Variants in PIP4P1 observed in about 807,000 individuals in gnomAD.
PIP4P1 encodes the protein type 1 phosphatidylinositol 4,5-bisphosphate 4-phosphatase.
In PIP4P1, 14 loss-of-function variants were observed where a neutral mutation model predicts 32.3. The ratio of observed to expected loss-of-function variants is 0.43; its 90% confidence interval spans 0.29 to 0.68. PIP4P1 has a LOEUF of 0.68. PIP4P1 is among the 30% of genes least tolerant of loss of function. The pLI is 0.15. For synonymous variants in PIP4P1, 132 were observed against 137.9 expected (o/e 0.96, Z 0.30); for missense variants, 289 against 364.5 (o/e 0.79, Z 1.69).
rs1292876444 is a variant in PIP4P1, at chr14:20,460,766, C to T, written c.222G>A (p.Pro74=). Residue 74 remains proline (P), a synonymous_variant, in exon 2 of 7, where the codon CCG becomes CCA. Transcript: ENST00000250489. ...TGATCATAGGGGCACTCCCACTGTC[C>T]GGGCTAGTTAAGGGTGAATAGGGGG... ...DPPPYSPLTS[P]DSGSAPMITC... 3 of 1,611,116 alleles carry T rather than the reference C, an allele frequency of 1.9e-6. No individual in the cohort carries two copies. The highest frequency in any genetic ancestry group is 1.1e-5 in the South Asian group (1 of 90,736).
intron 3 of PIP4P1, 84 bp downstream of exon 3, chr14:20,460,108 C>T (rs1027352871): frequency 2.9e-6 from 3 of 1,037,404 alleles, no homozygotes; most frequent in Admixed American, 3.5e-5. Flanking sequence ...TAGGCTCTCT[C>T]ACCTTTACAT....
rs1199630986 is a variant in PIP4P1 at position 20,458,335 on chromosome 14, GAC to G, written c.*222_*223del. On this transcript the variant is annotated 3_prime_UTR_variant, in exon 7 of 7. Coordinates refer to ENST00000250489, the MANE Select transcript of PIP4P1 (RefSeq NM_144568.4). ...GCAACGTTTTGCCTACTTCACCCTA[GAC>G]ACAGCAACCCTTGGAGGAAAGCAGA... The G allele has an allele frequency of 4.1e-6, 3 of 723,144 alleles. No homozygotes were observed. The highest frequency in any genetic ancestry group is 3.5e-5 in the African/African-American group (2 of 57,516). 44.8% of individuals were successfully genotyped at this position (723,144 alleles called of 1,614,324 possible). A position where few individuals can be genotyped will look rare whatever the true frequency, so the allele number is the denominator to read the frequency against.
Position 20,458,483 on chromosome 14 carries a change from T to C in PIP4P1, c.*76A>G. On this transcript the variant is annotated 3_prime_UTR_variant, in exon 7 of 7. Transcript: ENST00000250489. ...TCCTTCTAGAAGCCCCGGGAGCCTT[T>C]AACTACCCCAGCTCCCTTCGTAGTG... is the stretch of plus-strand genomic sequence containing the variant. 6.2e-7 allele frequency: 1 copy of C among 1,600,022 alleles called. No homozygotes were observed.
rs1443935490 is a variant in PIP4P1, at chr14:20,457,975, G to A, written c.*584C>T. 2 of 313,096 alleles carry A rather than the reference G, an allele frequency of 6.4e-6. No individual in the cohort carries two copies. Among genetic ancestry groups the A allele is most frequent in the East Asian group, 8.3e-5 (1 of 12,034 alleles). 19.4% of individuals were successfully genotyped at this position (313,096 alleles called of 1,614,324 possible). A position where few individuals can be genotyped will look rare whatever the true frequency, so the allele number is the denominator to read the frequency against. On this transcript the variant is annotated 3_prime_UTR_variant, in exon 7 of 7. Transcript: ENST00000250489. ...CAACTGGGGGGGTAAAAAAGGTCGGGAGGAGGAATTAAGGGAAATACAGGA... is the reference window on the plus strand; with the variant it reads ...CAACTGGGGGGGTAAAAAAGGTCGGAAGGAGGAATTAAGGGAAATACAGGA...
rs1881535327 is a variant in PIP4P1 at position 20,458,292 on chromosome 14, C to T, written c.*267G>A. 1.6e-6 allele frequency: 1 copy of T among 610,632 alleles called. No homozygotes were observed. Among genetic ancestry groups the T allele is most frequent in the Admixed American group, 2.1e-5 (1 of 47,010 alleles). 37.8% of individuals were successfully genotyped at this position (610,632 alleles called of 1,614,324 possible). On this transcript the variant is annotated 3_prime_UTR_variant, in exon 7 of 7. Transcript: ENST00000250489. Reference sequence around the variant, plus strand: ...GGAAGGACAAGGCTGGAACCGTCTTCAGGGCCCAGTTTTAAGGGCAACGTT... The same window carrying T: ...GGAAGGACAAGGCTGGAACCGTCTTTAGGGCCCAGTTTTAAGGGCAACGTT...
chr14:20,460,340 C>A, intron 2 of PIP4P1, 42 bp from the exon 3 acceptor site: 1 of 1,406,714 alleles, frequency 7.1e-7, no homozygotes, highest in South Asian at 1.2e-5. Context: ...CCTCTAATCC[C>A]AATCCCCTCC....
chr14:20,459,147 A>C (rs773692386), intron 6 of PIP4P1, 59 bp downstream of exon 6: 17 of 1,558,954 alleles, frequency 1.1e-5, no homozygotes, highest in African/African-American at 2.7e-5. Context: ...CAGTTTCCCA[A>C]ATCTTAGCCT....
Position 20,458,544 on chromosome 14 carries a change from T to C in PIP4P1, c.*15A>G, listed in dbSNP as rs1881557112. ...CACCAGGGAGGGGCCAGGCACAGTCTGTGGGTCATCAGGCTCAGGAGAAGT... is the reference window on the plus strand; with the variant it reads ...CACCAGGGAGGGGCCAGGCACAGTCCGTGGGTCATCAGGCTCAGGAGAAGT... On this transcript the variant is annotated 3_prime_UTR_variant, in exon 7 of 7. Coordinates refer to ENST00000250489, the MANE Select transcript of PIP4P1 (RefSeq NM_144568.4). 6.2e-7 allele frequency: 1 copy of C among 1,612,416 alleles called. No individual in the cohort carries two copies. Among genetic ancestry groups the C allele is most frequent in the Non-Finnish European group, 8.5e-7 (1 of 1,179,116 alleles).
chr14:20,460,349 C>T, intron 2 of PIP4P1, 51 bp from the exon 3 acceptor site: 3 of 1,305,354 alleles, frequency 2.3e-6, no homozygotes, highest in Non-Finnish European at 3.3e-6. Context: ...CCAATCCCCT[C>T]CACTTCCCTC....
Position 20,457,985 on chromosome 14 carries a change from T to TAA in PIP4P1, c.*572_*573dup, listed in dbSNP as rs1881498075. 1 of 312,454 alleles carries TAA rather than the reference T, an allele frequency of 3.2e-6. No individual in the cohort carries two copies. The highest frequency in any genetic ancestry group is 2.9e-5 in the South Asian group (1 of 34,404). 19.4% of individuals were successfully genotyped at this position (312,454 alleles called of 1,614,324 possible). On this transcript the variant is annotated 3_prime_UTR_variant, in exon 7 of 7. Coordinates refer to ENST00000250489, the MANE Select transcript of PIP4P1 (RefSeq NM_144568.4). ...GGTAAAAAAGGTCGGGAGGAGGAAT[T>TAA]AAGGGAAATACAGGAATAGGGGAAC...
chr14:20,460,995 C>A, intron 1 of PIP4P1, 150 bp from the exon 2 acceptor site: 2 of 1,270,652 alleles, frequency 1.6e-6, no homozygotes, highest in Non-Finnish European at 2.1e-6. Flanking sequence ...TCAGAACCCC[C>A]TTCCGTCCCT....
In PIP4P1 at chr14:20,460,838, G is replaced by A. The variant is rs755979726; in HGVS notation, c.150C>T (p.Pro50=). The A allele has an allele frequency of 6.4e-7, 1 of 1,552,196 alleles. No homozygotes were observed. Among genetic ancestry groups the A allele is most frequent in the Non-Finnish European group, 8.7e-7 (1 of 1,152,620 alleles). ...CGGCTGGATGCCCCTCGGGAAACGG[G>A]GGAAATGCTGGAGAGGAAGCAAATA... ...PSAPPYGAAF[P]PFPEGHPAVL... Residue 50 remains proline, a synonymous_variant, in exon 2 of 7, where the codon CCC becomes CCT. Transcript: ENST00000250489.
intron 6 of PIP4P1, chr14:20,458,987 ATCC>A: frequency 1.6e-6 from 1 of 632,788 alleles, no homozygotes; most frequent in Middle Eastern, 4.3e-4. Context: ...TCACTGTCCT[ATCC>A]TCATCCTACA....
intron 3 of PIP4P1, 89 bp downstream of exon 3, chr14:20,460,103 T>A: frequency 2.1e-6 from 2 of 968,544 alleles, no homozygotes. Context: ...AACACTAGGC[T>A]CTCTCACCTT....
At position 20,459,220 on chromosome 14, in the gene PIP4P1, C is replaced by T. The variant is rs1881599406; in HGVS notation, c.676G>A (p.Ala226Thr). 1 of 1,614,056 alleles carries T rather than the reference C, an allele frequency of 6.2e-7. No individual in the cohort carries two copies. Among genetic ancestry groups the T allele is most frequent in the Non-Finnish European group, 8.5e-7 (1 of 1,180,044 alleles). The stretch of plus-strand genomic sequence containing the variant: ...AGGGTACTCACGGCAAGGCCAGTGG[C>T]AGTGACTGCCAAAAGCAAGCCAAGC... ...FLLGLLLAVT[A>T]TGLAFGTWKH... The change falls in exon 6 of 7, where the codon GCC becomes ACC. Residue 226 changes from alanine to threonine, a missense_variant. This residue lies in a region of PIP4P1 where 181 missense variants were observed against 263.3 expected (regional missense o/e 0.69). Transcript: ENST00000250489.
intron 3 of PIP4P1, chr14:20,459,988 A>C (rs1881640608): frequency 1.6e-6 from 1 of 624,836 alleles, no homozygotes; most frequent in African/African-American, 1.8e-5. Flanking sequence ...AAGGCTCTCT[A>C]TTCTCCGAAA....
rs565504583 is a variant in PIP4P1, at chr14:20,458,298, C to T, written c.*261G>A. 1.2e-5 allele frequency: 8 copies of T among 649,600 alleles called. No individual in the cohort carries two copies. Among genetic ancestry groups the T allele is most frequent in the Admixed American group, 8.3e-5 (4 of 48,104 alleles). The allele number at this position is 649,600 out of a possible 1,614,324, so 40.2% of individuals were successfully genotyped here. A position where few individuals can be genotyped will look rare whatever the true frequency, so the allele number is the denominator to read the frequency against. On this transcript the variant is annotated 3_prime_UTR_variant, in exon 7 of 7. Coordinates refer to ENST00000250489, the MANE Select transcript of PIP4P1 (RefSeq NM_144568.4). ...ACAAGGCTGGAACCGTCTTCAGGGC[C>T]CAGTTTTAAGGGCAACGTTTTGCCT...
chr14:20,458,024 AATAGTTAT>A lies in PIP4P1; in HGVS notation c.*527_*534del. On this transcript the variant is annotated 3_prime_UTR_variant, in exon 7 of 7. Coordinates refer to ENST00000250489, the MANE Select transcript of PIP4P1 (RefSeq NM_144568.4). ...GAATAGGGGAACATATCCCACATTA[AATAGTTAT>A]ATACACATCAGTTCCTGTGGTTCTG... The A allele has an allele frequency of 3.2e-6, 1 of 313,788 alleles. No homozygotes were observed. Among genetic ancestry groups the A allele is most frequent in the Non-Finnish European group, 6.2e-6 (1 of 162,428 alleles). 19.4% of individuals were successfully genotyped at this position (313,788 alleles called of 1,614,324 possible). A position where few individuals can be genotyped will look rare whatever the true frequency, so the allele number is the denominator to read the frequency against.
Position 20,459,062 on chromosome 14 carries a change from T to C in PIP4P1, c.690+144A>G, listed in dbSNP as rs943917864. 4.9e-6 allele frequency: 4 copies of C among 812,928 alleles called. No individual in the cohort carries two copies. The East Asian group carries it at 1.0e-4, about 20-fold the overall frequency. The allele number at this position is 812,928 out of a possible 1,614,324, so 50.4% of individuals were successfully genotyped here. A position where few individuals can be genotyped will look rare whatever the true frequency, so the allele number is the denominator to read the frequency against. On this transcript the variant is annotated intron_variant, in intron 6 of 6. Coordinates refer to ENST00000250489, the MANE Select transcript of PIP4P1 (RefSeq NM_144568.4). ...ATAAAGTCTGTTTGATCAGCCACTT[T>C]GCACTTTAGCTCATCCATATCTTAA...
Sources: allele counts gnomAD v4.1 joint callset, GRCh38; gene constraint gnomAD v4.1.1; regional missense constraint gnomAD v4.1.1; transcripts MANE v1.5; gene names NCBI Gene and HGNC (gene_info 2026-07-23, HGNC 2026-07-21).